The following TEX26 variants were observed in gnomAD, a reference collection of about 807,000 sequenced individuals.
The protein encoded by TEX26 is testis-expressed protein 26.
TEX26 carries 34 observed loss-of-function variants against 35.3 expected under a neutral mutation model. That is an observed-to-expected ratio of 0.96 (90% CI 0.73 to 1.28). The LOEUF (loss-of-function observed/expected upper bound fraction) is 1.28. Among genes scored for constraint, TEX26 ranks in the 50% most tolerant of loss-of-function variants. The pLI is 0.00. For synonymous variants in TEX26, 136 were observed against 111.8 expected, an observed-to-expected ratio of 1.22 and a Z score of -1.36; for missense variants, 371 against 330.1, an observed-to-expected ratio of 1.12 and a Z score of -0.96.
At chr13:30,943,365 A>C (rs967222931) in intron 2 of TEX26, among the ~76,000 whole-genome samples, 8 of 151,708 alleles carry the variant, frequency 5.3e-5, no homozygotes, top group African/African-American at 1.9e-4. Context: ...ACTTTACAGA[A>C]TTCATTTATC....
chr13:30,966,568 G>C lies in TEX26; in HGVS notation c.646+170G>C, dbSNP rs560321274. ...TTCTCCTGCCTCAGCCTCCCGAGTA[G>C]CTAGGATTACAGGTGCGCACCACCA... is the stretch of plus-strand genomic sequence containing the variant. On this transcript the variant is annotated intron_variant, in intron 5 of 6. Coordinates refer to ENST00000380473, the MANE Select transcript of TEX26 (RefSeq NM_152325.3). Among the ~76,000 whole-genome samples the C allele has an allele frequency of 2.2e-4, 34 of 151,310 alleles. No individual in the cohort carries two copies. In the South Asian group the frequency reaches 5.6e-3, roughly 25 times the overall value.
At chr13:30,963,417 C>A (rs571983448) in intron 4 of TEX26, among the ~76,000 whole-genome samples, 7 of 152,266 alleles carry the variant, frequency 4.6e-5, no homozygotes, top group East Asian at 3.9e-4. Context: ...TTATCAGGAA[C>A]CTGTCTTCCA....
At chr13:30,937,191 G>C (rs141018577) in intron 1 of TEX26, among the ~76,000 whole-genome samples, 2 of 152,116 alleles carry the variant, frequency 1.3e-5, no homozygotes, top group East Asian at 3.9e-4. Flanking sequence ...GCTCTTGTCC[G>C]TCAGACTCCT....
intron 6 of TEX26, chr13:30,973,447 GT>G (rs1409287652): frequency 2.6e-5 from 4 of 152,150 alleles, no homozygotes; most frequent in Non-Finnish European, 4.4e-5. Flanking sequence ...TCCTGTGGTC[GT>G]GGGTTACAGT....
intron 6 of TEX26, 59 bp downstream of exon 6, chr13:30,969,105 A>G: frequency 4.7e-6 from 7 of 1,474,584 alleles, no homozygotes; most frequent in Non-Finnish European, 6.4e-6. Context: ...TTTGCCAAAT[A>G]GAAACTGTTC....
chr13:30,962,021 C>T (rs529692856), intron 4 of TEX26, among the ~76,000 whole-genome samples: 1 of 152,126 alleles, frequency 6.6e-6, no homozygotes, highest in East Asian at 1.9e-4. Flanking sequence ...GAGTGAAAGC[C>T]TCATGAGCAT....
intron 2 of TEX26, among the ~76,000 whole-genome samples, chr13:30,940,180 C>G (rs1161914289): frequency 1.3e-5 from 2 of 152,022 alleles, no homozygotes; most frequent in Non-Finnish European, 2.9e-5. Flanking sequence ...ATAGCATCAC[C>G]AAGACTAGTC....
chr13:30,937,812 A>G (rs1201379660), intron 1 of TEX26, among the ~76,000 whole-genome samples: 2 of 152,312 alleles, frequency 1.3e-5, no homozygotes, highest in East Asian at 1.9e-4. Context: ...GGTTAAGGGC[A>G]CAGGTAATAG....
chr13:30,950,743 A>G (rs1953890120), intron 2 of TEX26, among the ~76,000 whole-genome samples: 1 of 152,194 alleles, frequency 6.6e-6, no homozygotes, highest in South Asian at 2.1e-4. Context: ...TGACATTGAG[A>G]ACCACAAGCC....
chr13:30,965,972 A>G (rs560969775), intron 4 of TEX26, among the ~76,000 whole-genome samples: 1 of 152,326 alleles, frequency 6.6e-6, no homozygotes, highest in South Asian at 2.1e-4. Flanking sequence ...CAGGGACCAG[A>G]CAGACCCAGT....
intron 6 of TEX26, among the ~76,000 whole-genome samples, chr13:30,973,999 T>C (rs1593621919): frequency 1.3e-5 from 2 of 151,452 alleles, no homozygotes; most frequent in African/African-American, 4.8e-5. Flanking sequence ...TTCATGCCTG[T>C]AATCCCAGCT....
At chr13:30,966,428 TTC>T in intron 5 of TEX26, 30 bp downstream of exon 5, 3 of 1,485,736 alleles carry the variant, frequency 2.0e-6, no homozygotes, top group Non-Finnish European at 1.8e-6. Context: ...CTTTTTCTTT[TTC>T]TCTTTTTTTT....
chr13:30,957,048 C>A lies in TEX26; in HGVS notation c.469+19C>A, dbSNP rs944279885. Reference sequence around the variant, plus strand: ...TCAAAAGGTAAACACTTTTGTTTTTCTTTTTTTCCTGGGTCATGTGGTAGG... The same window carrying A: ...TCAAAAGGTAAACACTTTTGTTTTTATTTTTTTCCTGGGTCATGTGGTAGG... On this transcript the variant is annotated intron_variant, in intron 4 of 6. Coordinates refer to ENST00000380473, the MANE Select transcript of TEX26 (RefSeq NM_152325.3). 3 of 1,608,568 alleles carry A rather than the reference C, an allele frequency of 1.9e-6. No homozygotes were observed. Among genetic ancestry groups the A allele is most frequent in the Non-Finnish European group, 1.7e-6 (2 of 1,176,114 alleles).
rs1472060904 is a variant in TEX26 at position 30,932,689 on chromosome 13, G to A, written c.-27G>A. ...CAAGCGCTGAGATAGCTGGAGCCAGGGCCCCGCGGCCGCCTCCTGGGGCAG... is the reference window on the plus strand; with the variant it reads ...CAAGCGCTGAGATAGCTGGAGCCAGAGCCCCGCGGCCGCCTCCTGGGGCAG... On this transcript the variant is annotated 5_prime_UTR_variant, in exon 1 of 7. Coordinates refer to ENST00000380473, the MANE Select transcript of TEX26 (RefSeq NM_152325.3). 6.2e-7 allele frequency: 1 copy of A among 1,608,774 alleles called. No homozygotes were observed. The highest frequency in any genetic ancestry group is 1.1e-5 in the South Asian group (1 of 89,880).
At chr13:30,945,599 A>C (rs1051577144) in intron 2 of TEX26, among the ~76,000 whole-genome samples, 2 of 149,530 alleles carry the variant, frequency 1.3e-5, no homozygotes, top group Non-Finnish European at 1.5e-5. Flanking sequence ...AGGACTTAGA[A>C]CTCCTTTTAG....
At chr13:30,936,892 G>A in intron 1 of TEX26, 1 of 985,408 alleles carries the variant, frequency 1.0e-6, no homozygotes. Flanking sequence ...TGTGATTACA[G>A]ATTTCTCAAT....
intron 6 of TEX26, among the ~76,000 whole-genome samples, chr13:30,972,183 G>C (rs1954735256): frequency 6.6e-6 from 1 of 152,206 alleles, no homozygotes; most frequent in Non-Finnish European, 1.5e-5. Context: ...CCTGCCTGGA[G>C]GAGGGGTCCT....
intron 6 of TEX26, among the ~76,000 whole-genome samples, chr13:30,974,071 A>C (rs1954797348): frequency 6.8e-6 from 1 of 147,984 alleles, no homozygotes; most frequent in African/African-American, 2.5e-5. Context: ...CAGTGAGCCG[A>C]GATCGCACCA....
At chr13:30,934,031 T>G (rs1237666902) in intron 1 of TEX26, among the ~76,000 whole-genome samples, 2 of 152,216 alleles carry the variant, frequency 1.3e-5, no homozygotes, top group African/African-American at 4.8e-5. Context: ...GACAGTTCCA[T>G]GTGGGTGTCA....
Sources: allele counts gnomAD v4.1 joint callset (sites outside exome capture counted in the v4.1 genomes callset), GRCh38; gene constraint gnomAD v4.1.1; transcripts MANE v1.5; gene names NCBI Gene and HGNC (gene_info 2026-07-23, HGNC 2026-07-21).